COLEC11: variants seen among roughly 807,000 people sequenced by gnomAD.
The protein encoded by COLEC11 is collectin-11.
In COLEC11, 20 loss-of-function variants were observed where a neutral mutation model predicts 27.3. The observed-to-expected ratio is 0.73, with a 90% CI of 0.51 to 1.06. The LOEUF is 1.06. Among genes scored for constraint, COLEC11 ranks in the 50% least tolerant of loss-of-function variants. The probability of loss-of-function intolerance (pLI) is 0.00; values close to 1 mark genes in which losing one functional copy is unlikely to be tolerated. For missense variants in COLEC11, 310 were observed against 383.0 expected (o/e 0.81, Z 1.59); for synonymous variants, 163 against 154.7 (o/e 1.05, Z -0.40).
At chr2:3,642,695 A>T (rs573525876) in intron 5 of COLEC11, among the ~76,000 whole-genome samples, 3 of 152,228 alleles carry the variant, frequency 2.0e-5, no homozygotes, top group Non-Finnish European at 4.4e-5. Context: ...TCCAGCTGGG[A>T]CAGCCCTTGA....
At chr2:3,605,767 G>C (rs1662638165) in intron 2 of COLEC11, 1 of 245,344 alleles carries the variant, frequency 4.1e-6, no homozygotes, top group East Asian at 1.1e-4. Context: ...CAGTCACCAC[G>C]AAAGACAAAC....
intron 3 of COLEC11, among the ~76,000 whole-genome samples, chr2:3,633,790 G>T (rs1360089535): frequency 6.6e-6 from 1 of 152,210 alleles, no homozygotes; most frequent in East Asian, 1.9e-4. Context: ...AGGAAGATGC[G>T]TGTTCCCGAC....
At chr2:3,616,485 A>G (rs190273692) in intron 3 of COLEC11, among the ~76,000 whole-genome samples, 3,482 of 152,096 alleles carry the variant, frequency 0.023, 137 homozygotes, top group African/African-American at 0.078. Context: ...CACTGAGTGA[A>G]CGAGACTCCG....
At chr2:3,607,359 A>G (rs1249608369) in intron 2 of COLEC11, among the ~76,000 whole-genome samples, 5 of 152,108 alleles carry the variant, frequency 3.3e-5, no homozygotes, top group African/African-American at 4.8e-5. Context: ...TAGGTGAGAA[A>G]ACATTTATCT....
intron 4 of COLEC11, among the ~76,000 whole-genome samples, chr2:3,639,362 T>G (rs1239205175): frequency 6.6e-6 from 1 of 152,196 alleles, no homozygotes; most frequent in East Asian, 1.9e-4. Context: ...AGGCTGGCCT[T>G]GTTTGGCTTT....
chr2:3,642,581 G>A (rs189686732), intron 5 of COLEC11, among the ~76,000 whole-genome samples: 1 of 152,242 alleles, frequency 6.6e-6, no homozygotes, highest in East Asian at 1.9e-4. Flanking sequence ...AAAGCAAAAC[G>A]ACTGCAAAGC....
At chr2:3,608,772 C>T (rs1230727647) in intron 2 of COLEC11, among the ~76,000 whole-genome samples, 1 of 152,236 alleles carries the variant, frequency 6.6e-6, no homozygotes, top group Non-Finnish European at 1.5e-5. Flanking sequence ...GTCTACAAGG[C>T]GGAGGCGACG....
intron 2 of COLEC11, among the ~76,000 whole-genome samples, chr2:3,612,596 C>A (rs543286882): frequency 2.0e-5 from 3 of 152,244 alleles, no homozygotes; most frequent in Admixed American, 2.0e-4. Flanking sequence ...TGTTTCAGGA[C>A]AGTCATTTTG....
At chr2:3,628,093 A>C (rs1664690875) in intron 3 of COLEC11, among the ~76,000 whole-genome samples, 1 of 152,360 alleles carries the variant, frequency 6.6e-6, no homozygotes, top group African/African-American at 2.4e-5. Flanking sequence ...TTGCGTCTTC[A>C]GGTCCTAGCA....
chr2:3,630,743 C>G (rs1468553975), intron 3 of COLEC11, among the ~76,000 whole-genome samples: 1 of 152,208 alleles, frequency 6.6e-6, no homozygotes, highest in Non-Finnish European at 1.5e-5. Context: ...TCAAAACCCT[C>G]TGATAGTAGG....
intron 3 of COLEC11, among the ~76,000 whole-genome samples, chr2:3,633,655 G>A (rs1283617304): frequency 6.6e-6 from 1 of 152,190 alleles, no homozygotes; most frequent in South Asian, 2.1e-4. Flanking sequence ...GCGTGAAGAC[G>A]TGGAGGGGGA....
chr2:3,620,661 C>T (rs1223842481), intron 3 of COLEC11, among the ~76,000 whole-genome samples: 6 of 151,990 alleles, frequency 3.9e-5, no homozygotes, highest in Non-Finnish European at 7.4e-5. Context: ...TCTTTATTTT[C>T]CCTCCATGTA....
chr2:3,634,014 G>A (rs1665206313), intron 3 of COLEC11, among the ~76,000 whole-genome samples: 1 of 152,198 alleles, frequency 6.6e-6, no homozygotes, highest in African/African-American at 2.4e-5. Context: ...TTCAGACCAC[G>A]GTGAGGGACA....
chr2:3,607,071 G>A (rs1196930571), intron 2 of COLEC11, among the ~76,000 whole-genome samples: 1 of 151,902 alleles, frequency 6.6e-6, no homozygotes, highest in African/African-American at 2.4e-5. Flanking sequence ...AGCACGCGCC[G>A]CCCCCCCAAC....
chr2:3,635,803 TCAGGAGAGCAGC>T (rs1258138225), intron 3 of COLEC11, among the ~76,000 whole-genome samples: 7 of 152,238 alleles, frequency 4.6e-5, no homozygotes, highest in African/African-American at 1.7e-4. Flanking sequence ...GCTGCCAGCA[TCAGGAGAGCAGC>T]CTGGGCCTCA....
At chr2:3,616,047 C>T (rs1436875911) in intron 3 of COLEC11, among the ~76,000 whole-genome samples, 7 of 147,734 alleles carry the variant, frequency 4.7e-5, no homozygotes, top group Non-Finnish European at 9.0e-5. Flanking sequence ...TGAGGCGGGG[C>T]GGCCGGGCAG....
chr2:3,619,528 TATG>T (rs1276165072), intron 3 of COLEC11, among the ~76,000 whole-genome samples: 2 of 152,248 alleles, frequency 1.3e-5, no homozygotes, highest in East Asian at 1.9e-4. Context: ...CTGATGATAA[TATG>T]ATGTTTATTC....
chr2:3,616,137 G>A (rs1663704771), intron 3 of COLEC11, among the ~76,000 whole-genome samples: 1 of 150,940 alleles, frequency 6.6e-6, no homozygotes, highest in South Asian at 2.1e-4. Context: ...TGGCTGGGCA[G>A]AGGCGCTCCT....
At position 3,643,829 on chromosome 2, in the gene COLEC11, C is replaced by A; in HGVS notation, c.527C>A (p.Thr176Lys). 1 of 1,613,530 alleles carries A rather than the reference C, an allele frequency of 6.2e-7. No homozygotes were observed. Among genetic ancestry groups the A allele is most frequent in the Non-Finnish European group, 8.5e-7 (1 of 1,179,974 alleles). Reference protein sequence around the residue: ...AQLSCQGRGGTLSMPKDEAAN... With the variant: ...AQLSCQGRGGKLSMPKDEAAN... ...CTGTCCTGCCAGGGCCGCGGGGGCA[C>A]GCTGAGCATGCCCAAGGACGAGGCT... The change falls in exon 7 of 7, where the codon ACG becomes AAG. Residue 176 changes from threonine to lysine, a missense_variant. Transcript: ENST00000349077.
Sources: allele counts gnomAD v4.1 joint callset (sites outside exome capture counted in the v4.1 genomes callset), GRCh38; gene constraint gnomAD v4.1.1; transcripts MANE v1.5; gene names NCBI Gene and HGNC (gene_info 2026-07-23, HGNC 2026-07-21).